NALCN: variants seen among roughly 807,000 people sequenced by gnomAD.
NALCN encodes sodium leak channel NALCN.
In NALCN, 111 loss-of-function variants were observed where a neutral mutation model predicts 225.3. The observed-to-expected ratio is 0.49, with a 90% CI of 0.42 to 0.58. The LOEUF (loss-of-function observed/expected upper bound fraction) is 0.58. Among genes scored for constraint, NALCN ranks in the 20% least tolerant of loss-of-function variants. The pLI is 0.00. For synonymous variants in NALCN, 764 were observed against 769.0 expected, an observed-to-expected ratio of 0.99 and a Z score of 0.11; for missense variants, 1,378 against 2,202.4, an observed-to-expected ratio of 0.63 and a Z score of 7.49.
rs902963770 is a variant in NALCN, at chr13:101,283,805, T to C, written c.1134+128A>G. The C allele has an allele frequency of 8.5e-6, 6 of 703,552 alleles. No individual in the cohort carries two copies. The African/African-American group carries it at 1.1e-4, about 13-fold the overall frequency. 43.6% of individuals were successfully genotyped at this position (703,552 alleles called of 1,614,324 possible). On this transcript the variant is annotated intron_variant, in intron 10 of 43. Coordinates refer to ENST00000251127, the MANE Select transcript of NALCN (RefSeq NM_052867.4). ...CCTGGGAATAGAGGAAGGAGTGAAA[T>C]ACCATCTCTAACTTCAGGATTTTAA... is the stretch of plus-strand genomic sequence containing the variant.
chr13:101,318,266 C>T (rs950399971), intron 7 of NALCN, among the ~76,000 whole-genome samples: 1 of 152,094 alleles, frequency 6.6e-6, no homozygotes, highest in African/African-American at 2.4e-5. Context: ...GGGAGCAGTG[C>T]GGGGTGCATG....
chr13:101,304,574 A>T (rs1271405703), intron 7 of NALCN, among the ~76,000 whole-genome samples: 2 of 151,916 alleles, frequency 1.3e-5, no homozygotes, highest in African/African-American at 2.4e-5. Context: ...AGGAGCTGGG[A>T]CTACAGGCAC....
chr13:101,385,367 C>T (rs1232288303), intron 3 of NALCN, among the ~76,000 whole-genome samples: 2 of 152,136 alleles, frequency 1.3e-5, no homozygotes, highest in Non-Finnish European at 2.9e-5. Context: ...CCCAAGCAGA[C>T]AGTTTTGGTC....
intron 17 of NALCN, among the ~76,000 whole-genome samples, chr13:101,126,884 C>T (rs1300742670): frequency 6.6e-6 from 1 of 152,164 alleles, no homozygotes; most frequent in Non-Finnish European, 1.5e-5. Context: ...AGATGGAAGA[C>T]TCAGCTGGTG....
At chr13:101,263,070 C>G (rs780786176) in intron 10 of NALCN, among the ~76,000 whole-genome samples, 5 of 152,210 alleles carry the variant, frequency 3.3e-5, no homozygotes, top group African/African-American at 1.2e-4. Context: ...ATATCAGACT[C>G]AGCCCATAGT....
chr13:101,411,021 T>C (rs954383190), intron 1 of NALCN, among the ~76,000 whole-genome samples: 1 of 152,198 alleles, frequency 6.6e-6, no homozygotes, highest in African/African-American at 2.4e-5. Context: ...CCAGTGCATT[T>C]CTTCACTAAC....
At chr13:101,142,116 A>G (rs2037111343) in intron 17 of NALCN, among the ~76,000 whole-genome samples, 2 of 149,032 alleles carry the variant, frequency 1.3e-5, no homozygotes, top group South Asian at 4.3e-4. Context: ...TACTTATTAT[A>G]CCTAGATAAT....
intron 7 of NALCN, among the ~76,000 whole-genome samples, chr13:101,305,545 T>C (rs988882925): frequency 3.3e-5 from 5 of 152,206 alleles, no homozygotes; most frequent in African/African-American, 7.2e-5. Context: ...AACTACCTCA[T>C]ACTGCAAAAA....
At chr13:101,299,370 C>T (rs145726335) in intron 7 of NALCN, among the ~76,000 whole-genome samples, 18 of 152,240 alleles carry the variant, frequency 1.2e-4, no homozygotes, top group Non-Finnish European at 2.4e-4. Flanking sequence ...TGTTCCCAAA[C>T]GAAATTAAAT....
chr13:101,124,547 A>G (rs1217737996), intron 18 of NALCN, 61 bp downstream of exon 18: 3 of 1,425,624 alleles, frequency 2.1e-6, no homozygotes, highest in African/African-American at 1.4e-5. Flanking sequence ...TCAAAAAGCT[A>G]TTTTTCGATT....
chr13:101,278,954 A>G (rs1327944989), intron 10 of NALCN, among the ~76,000 whole-genome samples: 2 of 152,210 alleles, frequency 1.3e-5, no homozygotes, highest in Non-Finnish European at 2.9e-5. Context: ...AAGTACTTTC[A>G]TAAGCCAAGA....
intron 33 of NALCN, 58 bp from the exon 34 acceptor site, chr13:101,081,704 G>T: frequency 1.3e-6 from 2 of 1,584,076 alleles, no homozygotes; most frequent in Non-Finnish European, 1.7e-6. Flanking sequence ...ATATTTAAAT[G>T]TATTAACTTG....
intron 15 of NALCN, among the ~76,000 whole-genome samples, chr13:101,173,088 A>T (rs962417712): frequency 2.6e-5 from 4 of 152,234 alleles, no homozygotes; most frequent in African/African-American, 9.6e-5. Flanking sequence ...GGCGTTTGCC[A>T]TCGCGCAGCA....
chr13:101,062,792 G>A (rs1212078248), intron 40 of NALCN, among the ~76,000 whole-genome samples: 2 of 151,828 alleles, frequency 1.3e-5, no homozygotes, highest in Admixed American at 6.6e-5. Context: ...TAGTAGAGAC[G>A]AGTTTTCACC....
chr13:101,086,718 A>C lies in NALCN; in HGVS notation c.3490-2914T>G, dbSNP rs145607163. Among the ~76,000 whole-genome samples the C allele has an allele frequency of 9.9e-3, 1,512 of 152,082 alleles. 13 individuals carry two copies. The highest frequency in any genetic ancestry group is 0.017 in the Non-Finnish European group (1,173 of 67,918). On this transcript the variant is annotated intron_variant, in intron 30 of 43. Transcript: ENST00000251127. ...TTTGAGATATATGTTAATATCTTTCACTATGATTTTGGATTTTCTAGCTTC... is the reference window on the plus strand; with the variant it reads ...TTTGAGATATATGTTAATATCTTTCCCTATGATTTTGGATTTTCTAGCTTC...
chr13:101,079,322 A>G lies in NALCN; in HGVS notation c.3885+2205T>C, dbSNP rs935315270. 4.6e-5 allele frequency among the ~76,000 whole-genome samples: 7 copies of G among 152,216 alleles called. No individual in the cohort carries two copies. In the South Asian group the frequency reaches 8.3e-4, roughly 18 times the overall value. On this transcript the variant is annotated intron_variant, in intron 34 of 43. Transcript: ENST00000251127. The stretch of plus-strand genomic sequence containing the variant: ...ATGACAACCAATAGTTTTTAGGATG[A>G]GAATCTGAATTCTTCACCTGGACTG...
intron 10 of NALCN, among the ~76,000 whole-genome samples, chr13:101,269,071 G>A (rs1003072051): frequency 1.3e-5 from 2 of 152,044 alleles, no homozygotes; most frequent in Admixed American, 1.3e-4. Flanking sequence ...GAATAAACAT[G>A]CTAAAATCTT....
At chr13:101,351,196 T>C (rs1477339481) in intron 6 of NALCN, among the ~76,000 whole-genome samples, 2 of 152,194 alleles carry the variant, frequency 1.3e-5, no homozygotes, top group Non-Finnish European at 1.5e-5. Flanking sequence ...AGAAACTCTT[T>C]AATAAGTGGA....
intron 14 of NALCN, among the ~76,000 whole-genome samples, chr13:101,177,163 C>T (rs970329250): frequency 6.6e-6 from 1 of 152,086 alleles, no homozygotes; most frequent in Non-Finnish European, 1.5e-5. Flanking sequence ...GCACTCCAGC[C>T]CTAGTAAAAC....
Sources: gnomAD v4.1 joint callset for allele counts (sites outside exome capture counted in the v4.1 genomes callset) on GRCh38, gnomAD v4.1.1 for gene constraint, MANE v1.5 for transcripts, NCBI Gene and HGNC (gene_info 2026-07-23, HGNC 2026-07-21) for gene names.